CRLF2: variants seen among roughly 807,000 people sequenced by gnomAD.
CRLF2 encodes cytokine receptor-like factor 2.
In CRLF2, 41 loss-of-function variants were observed where a neutral mutation model predicts 38.7. That is an observed-to-expected ratio of 1.06 (90% CI 0.83 to 1.37). CRLF2 has a LOEUF of 1.37. CRLF2 is among the 40% of genes most tolerant of loss of function. The pLI, the probability that CRLF2 is intolerant of heterozygous loss-of-function variation, is 0.00. For missense variants in CRLF2, 377 were observed against 322.2 expected (o/e 1.17, Z -1.30); for synonymous variants, 140 against 128.8 (o/e 1.09, Z -0.59).
At chrX:1,204,373 CAT>C (rs1355211892) in intron 3 of CRLF2, among the ~76,000 whole-genome samples, 4 of 151,908 alleles carry the variant, frequency 2.6e-5, no homozygotes, top group Admixed American at 6.6e-5. Context: ...GGATTACAGG[CAT>C]GCACCACCAA....
intron 1 of CRLF2, among the ~76,000 whole-genome samples, chrX:1,211,908 G>C (rs1405381793): frequency 1.5e-5 from 2 of 136,616 alleles, no homozygotes; most frequent in Admixed American, 1.5e-4. Flanking sequence ...TGGATGGATG[G>C]ATGTATTGGT....
intron 6 of CRLF2, among the ~76,000 whole-genome samples, chrX:1,196,087 G>A (rs1406791897): frequency 4.1e-5 from 6 of 147,890 alleles, no homozygotes; most frequent in African/African-American, 1.5e-4. Flanking sequence ...CTTCATGTTG[G>A]CCAGGCTGGT....
chrX:1,203,143 G>T (rs1282326680), intron 3 of CRLF2, among the ~76,000 whole-genome samples: 6 of 145,424 alleles, frequency 4.1e-5, no homozygotes, highest in Admixed American at 2.1e-4. Context: ...GATTCAGTTA[G>T]TTAGGATCAT....
In CRLF2 at chrX:1,197,094, T is replaced by TTTTTG. The variant is rs2086493657; in HGVS notation, c.647-195_647-194insCAAAA. ...ATATTCGTGTCAGCAAATCTTTTAC[T>TTTTTG]TTTTTTTTTTTTTTTTGAGACAGAA... On this transcript the variant is annotated intron_variant, in intron 5 of 7. Coordinates refer to ENST00000400841, the MANE Select transcript of CRLF2 (RefSeq NM_022148.4). Among the ~76,000 whole-genome samples, 5 of 37,500 alleles carry TTTTTG rather than the reference T, an allele frequency of 1.3e-4. 1 individual carries two copies. The highest frequency in any genetic ancestry group is 6.5e-4 in the African/African-American group (5 of 7,696). The allele number at this position is 37,500 out of a possible 152,430, so 24.6% of individuals were successfully genotyped here. A position where few individuals can be genotyped will look rare whatever the true frequency, so the allele number is the denominator to read the frequency against.
intron 3 of CRLF2, 58 bp from the exon 4 acceptor site, chrX:1,202,593 C>T: frequency 6.2e-7 from 1 of 1,605,856 alleles, no homozygotes; most frequent in Non-Finnish European, 8.5e-7. Context: ...TTGTGACAGG[C>T]TGACCTCATC....
At position 1,198,689 on chromosome X, in the gene CRLF2, T is replaced by G; in HGVS notation, c.519A>C (p.Glu173Asp). 6.2e-7 allele frequency: 1 copy of G among 1,612,288 alleles called. No individual in the cohort carries two copies. Among genetic ancestry groups the G allele is most frequent in the Non-Finnish European group, 8.5e-7 (1 of 1,179,512 alleles). The change falls in exon 5 of 8, where the codon GAA becomes GAC. Residue 173 changes from glutamate (E) to aspartate (D), a missense_variant. Transcript: ENST00000400841. ...KQENTCNVTI[E>D]GLDAEKCYSF... ...AGTAACACTTCTCGGCATCCAAGCC[T>G]TCTATGGTGACGTTGCAGGTATTTT... is the stretch of plus-strand genomic sequence containing the variant.
intron 4 of CRLF2, 134 bp downstream of exon 4, chrX:1,202,268 G>A: frequency 1.9e-6 from 2 of 1,037,616 alleles, no homozygotes; most frequent in Non-Finnish European, 2.8e-6. Flanking sequence ...AGCTCTCTCA[G>A]GAAGATACAG....
At position 1,202,584 on chromosome X, in the gene CRLF2, TG is replaced by T. The variant is rs745777357; in HGVS notation, c.350-50del. On this transcript the variant is annotated intron_variant, in intron 3 of 7. Transcript: ENST00000400841. ...CGACGTCCCTCCTCTCTGAGCTGAT[TG>T]TGACAGGCTGACCTCATCCCCTTTC... 4.3e-6 allele frequency: 7 copies of T among 1,611,666 alleles called. No individual in the cohort carries two copies. In the East Asian group the frequency reaches 1.3e-4, roughly 31 times the overall value.
intron 7 of CRLF2, among the ~76,000 whole-genome samples, chrX:1,192,976 G>A (rs1355524365): frequency 1.3e-5 from 2 of 151,504 alleles, no homozygotes; most frequent in Non-Finnish European, 2.9e-5. Context: ...AGCACGCCCG[G>A]CTAATCCTTG....
chrX:1,206,865 G>A (rs2086699993), intron 2 of CRLF2, among the ~76,000 whole-genome samples: 1 of 150,954 alleles, frequency 6.6e-6, no homozygotes, highest in South Asian at 2.1e-4. Flanking sequence ...GGCTGGTCTG[G>A]AACTCCTGAC....
At chrX:1,208,149 G>A (rs2147852333) in intron 2 of CRLF2, among the ~76,000 whole-genome samples, 1 of 152,242 alleles carries the variant, frequency 6.6e-6, no homozygotes, top group South Asian at 2.1e-4. Context: ...GGGTAAGGCT[G>A]TGAAATGTTT....
intron 7 of CRLF2, among the ~76,000 whole-genome samples, 182 bp from the exon 8 acceptor site, chrX:1,191,342 T>TTTCTTTCTTTCTTTCC (rs2086374703): frequency 9.9e-6 from 1 of 100,878 alleles, no homozygotes; most frequent in Non-Finnish European, 2.1e-5. Context: ...TCTTTCTTTC[T>TTTCTTTCTTTCTTTCC]TTCCTTCTTT....
intron 3 of CRLF2, 43 bp downstream of exon 3, chrX:1,206,390 G>A: frequency 1.9e-6 from 3 of 1,561,410 alleles, no homozygotes; most frequent in South Asian, 1.1e-5. Context: ...ATAAGCTGAA[G>A]GAAGTACTGA....
intron 6 of CRLF2, among the ~76,000 whole-genome samples, chrX:1,193,562 G>A: frequency 6.6e-6 from 1 of 151,932 alleles, no homozygotes; most frequent in African/African-American, 2.4e-5. Context: ...TGGATCACCT[G>A]AGGTCAGGAG....
rs755157440 is a variant in CRLF2, at chrX:1,206,386, TGAAG to T, written c.349+43_349+46del. 25 of 1,556,172 alleles carry T rather than the reference TGAAG, an allele frequency of 1.6e-5. No homozygotes were observed. The African/African-American group carries it at 2.8e-4, about 18-fold the overall frequency. On this transcript the variant is annotated intron_variant, in intron 3 of 7. Coordinates refer to ENST00000400841, the MANE Select transcript of CRLF2 (RefSeq NM_022148.4). ...GTTTTCAGTCCTTGTGGTAATAAGC[TGAAG>T]GAAGTACTGAAAAGCATGGTGAGCT...
At chrX:1,198,867 G>A in intron 4 of CRLF2, 143 bp from the exon 5 acceptor site, 1 of 831,252 alleles carries the variant, frequency 1.2e-6, no homozygotes. Context: ...GGAGCCGCGA[G>A]GCCGGACACA....
At chrX:1,207,777 G>C (rs1247448478) in intron 2 of CRLF2, among the ~76,000 whole-genome samples, 2 of 150,992 alleles carry the variant, frequency 1.3e-5, no homozygotes, top group East Asian at 4.0e-4. Context: ...AGCCTCCTGA[G>C]TAGCTGGGAT....
chrX:1,199,629 T>C (rs187007484), intron 4 of CRLF2, among the ~76,000 whole-genome samples: 2 of 152,218 alleles, frequency 1.3e-5, no homozygotes, highest in East Asian at 3.9e-4. Context: ...CAGATATAAA[T>C]GGATATAAAG....
chrX:1,193,122 A>G, intron 7 of CRLF2, 96 bp downstream of exon 7: 1 of 396,726 alleles, frequency 2.5e-6, no homozygotes. Flanking sequence ...TGTTAATGTC[A>G]TTCTCTAAAA....
Sources: allele counts gnomAD v4.1 joint callset (sites outside exome capture counted in the v4.1 genomes callset), GRCh38; gene constraint gnomAD v4.1.1; transcripts MANE v1.5; gene names NCBI Gene and HGNC (gene_info 2026-07-23, HGNC 2026-07-21).